The following LHFPL3 variants were observed in gnomAD, a reference collection of about 807,000 sequenced individuals.
LHFPL3 encodes the protein LHFPL tetraspan subfamily member 3, also known as LHFPL tetraspan subfamily member 3 protein.
In LHFPL3, 5 loss-of-function variants were observed where a neutral mutation model predicts 19.3. The observed-to-expected ratio is 0.26, with a 90% confidence interval of 0.14 to 0.54. The LOEUF (loss-of-function observed/expected upper bound fraction) is 0.54. Ranked by LOEUF, LHFPL3 falls within the 20% of genes least tolerant of loss-of-function variation. The pLI is 0.94. For missense variants in LHFPL3, 249 were observed against 307.4 expected (o/e 0.81, Z 1.42); for synonymous variants, 133 against 126.2 (o/e 1.05, Z -0.36).
At chr7:104,841,885 A>G (rs1385244727) in intron 2 of LHFPL3, among the ~76,000 whole-genome samples, 1 of 152,074 alleles carries the variant, frequency 6.6e-6, no homozygotes, top group African/African-American at 2.4e-5. Context: ...CTCAGGGCAA[A>G]TAAGTTTCTC....
At chr7:104,741,237 A>C (rs1053576136) in intron 2 of LHFPL3, among the ~76,000 whole-genome samples, 1 of 152,142 alleles carries the variant, frequency 6.6e-6, no homozygotes, top group Non-Finnish European at 1.5e-5. Flanking sequence ...TTTCCACGAG[A>C]TCATTTGAAA....
chr7:104,871,143 C>T (rs933895817), intron 2 of LHFPL3, among the ~76,000 whole-genome samples: 5 of 152,160 alleles, frequency 3.3e-5, no homozygotes, highest in African/African-American at 1.2e-4. Context: ...GTGTGAACAT[C>T]ACAGAGTGTA....
At chr7:104,636,731 A>G (rs925237675) in intron 1 of LHFPL3, among the ~76,000 whole-genome samples, 17 of 152,078 alleles carry the variant, frequency 1.1e-4, no homozygotes, top group Non-Finnish European at 2.1e-4. Flanking sequence ...CATTCTTTTT[A>G]TGGCTGCATA....
Position 104,596,917 on chromosome 7 carries a change from C to T in LHFPL3, c.446-139758C>T, listed in dbSNP as rs146688260. On this transcript the variant is annotated intron_variant, in intron 1 of 2. Coordinates refer to ENST00000424859, the MANE Select transcript of LHFPL3 (RefSeq NM_199000.3). ...AGGGAATCAGTGACTCATCTTTGTT[C>T]ATCCATTTTATCCCCAATATTAATT... Among the ~76,000 whole-genome samples, 406 of 152,306 alleles carry T rather than the reference C, an allele frequency of 2.7e-3. 2 individuals carry two copies. The highest frequency in any genetic ancestry group is 9.2e-3 in the African/African-American group (382 of 41,570).
chr7:104,628,023 T>G (rs1020209175), intron 1 of LHFPL3, among the ~76,000 whole-genome samples: 6 of 152,216 alleles, frequency 3.9e-5, no homozygotes, highest in African/African-American at 1.4e-4. Context: ...TTAAATGTGA[T>G]AAATGTATGG....
chr7:104,675,424 T>C (rs1469253945), intron 1 of LHFPL3, among the ~76,000 whole-genome samples: 2 of 152,184 alleles, frequency 1.3e-5, no homozygotes, highest in East Asian at 1.9e-4. Flanking sequence ...GCCACTCCTT[T>C]GGACTTGCTC....
At chr7:104,436,901 A>G (rs1044216516) in intron 1 of LHFPL3, among the ~76,000 whole-genome samples, 1 of 152,240 alleles carries the variant, frequency 6.6e-6, no homozygotes, top group Non-Finnish European at 1.5e-5. Flanking sequence ...AACAGCTTTT[A>G]AAAAGTTTGA....
intron 1 of LHFPL3, among the ~76,000 whole-genome samples, chr7:104,512,040 C>A (rs1176277481): frequency 6.6e-6 from 1 of 150,542 alleles, no homozygotes; most frequent in Non-Finnish European, 1.5e-5. Context: ...CTGCAACCTC[C>A]ACCTCCCAGG....
chr7:104,884,393 C>T (rs971571396), intron 2 of LHFPL3, among the ~76,000 whole-genome samples: 27 of 152,190 alleles, frequency 1.8e-4, no homozygotes, highest in Admixed American at 1.6e-3. Context: ...CAATCCTCTA[C>T]CTCGGTATTT....
chr7:104,449,579 C>T (rs1251690261), intron 1 of LHFPL3, among the ~76,000 whole-genome samples: 1 of 152,188 alleles, frequency 6.6e-6, no homozygotes, highest in Non-Finnish European at 1.5e-5. Context: ...AGAGTAAAAT[C>T]TCAATTTATC....
chr7:104,513,255 G>T (rs988498562), intron 1 of LHFPL3, among the ~76,000 whole-genome samples: 3 of 152,124 alleles, frequency 2.0e-5, no homozygotes, highest in Non-Finnish European at 4.4e-5. Context: ...TAGGTAGGAT[G>T]GTAGGGGTGG....
At position 104,908,520 on chromosome 7, in the gene LHFPL3, A is replaced by T. The variant is rs189265042; in HGVS notation, c.*2305A>T. 6.6e-6 allele frequency among the ~76,000 whole-genome samples: 1 copy of T among 152,166 alleles called. No individual in the cohort carries two copies. Among genetic ancestry groups the T allele is most frequent in the Non-Finnish European group, 1.5e-5 (1 of 68,034 alleles). On this transcript the variant is annotated 3_prime_UTR_variant, in exon 3 of 3. Coordinates refer to ENST00000424859, the MANE Select transcript of LHFPL3 (RefSeq NM_199000.3). ...TTTGTTGGAATACCTGAATTTCTGT[A>T]AAAAAATAAAAATAAAAATAAGATT...
chr7:104,348,426 C>T (rs953798739), intron 1 of LHFPL3, among the ~76,000 whole-genome samples: 2 of 152,136 alleles, frequency 1.3e-5, no homozygotes, highest in African/African-American at 2.4e-5. Flanking sequence ...AGATTAAAAA[C>T]GATGAACTAT....
At chr7:104,852,224 C>T (rs1409981168) in intron 2 of LHFPL3, among the ~76,000 whole-genome samples, 1 of 152,142 alleles carries the variant, frequency 6.6e-6, no homozygotes, top group Non-Finnish European at 1.5e-5. Context: ...AGGCAGATCT[C>T]CCCTCTCTCA....
intron 2 of LHFPL3, among the ~76,000 whole-genome samples, chr7:104,793,340 T>C (rs1790059040): frequency 6.6e-6 from 1 of 152,160 alleles, no homozygotes; most frequent in Admixed American, 6.5e-5. Flanking sequence ...ACCAAGTGTT[T>C]AAATCAACAT....
At chr7:104,363,519 A>T (rs1790429410) in intron 1 of LHFPL3, among the ~76,000 whole-genome samples, 1 of 152,188 alleles carries the variant, frequency 6.6e-6, no homozygotes, top group South Asian at 2.1e-4. Flanking sequence ...TGTTGGTGCA[A>T]TCCTCACCTG....
At chr7:104,566,935 GT>G (rs1275301751) in intron 1 of LHFPL3, among the ~76,000 whole-genome samples, 1 of 152,174 alleles carries the variant, frequency 6.6e-6, no homozygotes, top group Non-Finnish European at 1.5e-5. Flanking sequence ...CCTTGGCTTT[GT>G]TAGAATTTCT....
chr7:104,376,382 G>A (rs763873513), intron 1 of LHFPL3, among the ~76,000 whole-genome samples: 4 of 152,188 alleles, frequency 2.6e-5, no homozygotes, highest in Non-Finnish European at 5.9e-5. Context: ...GGGTAGAGAA[G>A]TTGTTATATA....
intron 1 of LHFPL3, among the ~76,000 whole-genome samples, chr7:104,703,292 G>T (rs924828489): frequency 2.0e-5 from 3 of 152,182 alleles, no homozygotes; most frequent in Non-Finnish European, 4.4e-5. Context: ...TGACCTTGAA[G>T]ATTATATTAT....
Sources: gnomAD v4.1 joint callset for allele counts (sites outside exome capture counted in the v4.1 genomes callset) on GRCh38, gnomAD v4.1.1 for gene constraint, MANE v1.5 for transcripts, NCBI Gene and HGNC (gene_info 2026-07-23, HGNC 2026-07-21) for gene names.